The following FRMD1 variants were observed in gnomAD, a reference collection of about 807,000 sequenced individuals.
FRMD1 encodes FERM domain containing 1, also known as FERM domain-containing protein 1.
Under a neutral mutation model 54.9 loss-of-function variants are expected in FRMD1, and 51 were observed. The ratio of observed to expected loss-of-function variants is 0.93; its 90% confidence interval spans 0.74 to 1.17. The LOEUF is 1.17. Among genes scored for constraint, FRMD1 ranks in the 50% most tolerant of loss-of-function variants. The pLI is 0.00. For missense variants in FRMD1, 729 were observed against 743.0 expected (o/e 0.98, Z 0.22); for synonymous variants, 324 against 306.4 (o/e 1.06, Z -0.60).
In FRMD1 at chr6:168,060,983, T is replaced by C. The variant is rs57906677; in HGVS notation, c.1120A>G (p.Ser374Gly). Residue 374 changes from serine (S) to glycine (G), a missense_variant, in exon 9 of 11, where the codon AGT becomes GGT. Transcript: ENST00000283309. ...LDLASRSFPG[S>G]GVSSQHCPHC... ...GGGCAGTGCTGGCTGCTGACCCCAC[T>C]GCCCGGGAAGCTCCTGCTGGCCAGG... is the stretch of plus-strand genomic sequence containing the variant. The C allele has an allele frequency of 1.9e-3, 3,040 of 1,612,940 alleles. 51 individuals are homozygous for C. In the African/African-American group the frequency reaches 0.031, roughly 16 times the overall value.
At position 168,090,075 on chromosome 6, in the gene FRMD1, C is replaced by T. The variant is rs545464398; in HGVS notation, c.-11-11051G>A. ...CGTCCAGACAGTGAGCCAATCCCGGCGGCGTTACCCCCAGAACCCACCCAG... is the reference window on the plus strand; with the variant it reads ...CGTCCAGACAGTGAGCCAATCCCGGTGGCGTTACCCCCAGAACCCACCCAG... On this transcript the variant is annotated intron_variant, in intron 1 of 12. Transcript: ENST00000644440. Among the ~76,000 whole-genome samples the T allele has an allele frequency of 5.9e-5, 9 of 152,238 alleles. No individual in the cohort carries two copies. In the East Asian group the frequency reaches 1.2e-3, roughly 20 times the overall value.
upstream of FRMD1, chr6:168,081,249 G>A: frequency 8.8e-7 from 1 of 1,134,800 alleles, no homozygotes; most frequent in Admixed American, 3.0e-5. Flanking sequence ...AGGGCACTGA[G>A]GGGACACCAG....
upstream of FRMD1, among the ~76,000 whole-genome samples, chr6:168,084,714 G>A (rs945859017): frequency 6.6e-6 from 1 of 152,250 alleles, no homozygotes; most frequent in Non-Finnish European, 1.5e-5. Flanking sequence ...ACAAGTGTGC[G>A]GAATTTTGTA....
intron 1 of FRMD1, among the ~76,000 whole-genome samples, chr6:168,088,035 C>T (rs185476605): frequency 2.0e-5 from 3 of 152,254 alleles, no homozygotes; most frequent in Non-Finnish European, 4.4e-5. Flanking sequence ...TGGGACCCTG[C>T]CCCGAAAAGG....
upstream of FRMD1, among the ~76,000 whole-genome samples, chr6:168,083,656 T>C (rs1583212555): frequency 6.6e-6 from 1 of 152,122 alleles, no homozygotes; most frequent in Non-Finnish European, 1.5e-5. Flanking sequence ...CTCTGCCCCT[T>C]GGGAGACAGG....
In FRMD1 at chr6:168,079,118, C is replaced by T. The variant is rs375053832; in HGVS notation, c.-24G>A. On this transcript the variant is annotated 5_prime_UTR_variant, in exon 1 of 11. Coordinates refer to ENST00000283309, the MANE Select transcript of FRMD1 (RefSeq NM_024919.6). ...ATGCTGTCGTTACTCGGCCCTCCCC[C>T]GCCATGGGTCGCAGGTGGGTGCTCA... 167 of 1,568,884 alleles carry T rather than the reference C, an allele frequency of 1.1e-4. 1 individual carries two copies. The East Asian group carries it at 3.4e-3, about 32-fold the overall frequency.
At chr6:168,081,348 A>G, upstream of FRMD1, 1 of 1,526,260 alleles carries the variant, frequency 6.6e-7, no homozygotes, top group Non-Finnish European at 8.8e-7. Context: ...CCCACCTCTG[A>G]ATGTCTTGTC....
rs574113727 is a variant in FRMD1 at position 168,070,129 on chromosome 6, C to T, written c.305-2683G>A. ...GTCCCAGCCACTCAGGAGGCTGACG[C>T]CAGAGGATCCACCTGAGCCATGATC... On this transcript the variant is annotated intron_variant, in intron 2 of 10. Coordinates refer to ENST00000283309, the MANE Select transcript of FRMD1 (RefSeq NM_024919.6). Among the ~76,000 whole-genome samples, 655 of 151,540 alleles carry T rather than the reference C, an allele frequency of 4.3e-3. 5 individuals carry two copies. The highest frequency in any genetic ancestry group is 5.4e-3 in the Non-Finnish European group (370 of 67,954).
At chr6:168,073,085 C>A (rs1342507165) in intron 2 of FRMD1, among the ~76,000 whole-genome samples, 2 of 152,188 alleles carry the variant, frequency 1.3e-5, no homozygotes, top group Non-Finnish European at 2.9e-5. Flanking sequence ...TAGAACTTCC[C>A]TGAAAACTGG....
intron 1 of FRMD1, 119 bp downstream of exon 1, chr6:168,078,763 T>TCCAGGGCCCTGCTCACCCCCATGGCCAC: frequency 8.1e-6 from 8 of 981,868 alleles, no homozygotes; most frequent in Middle Eastern, 3.8e-4. Context: ...CCCAAGGCCA[T>TCCAGGGCCCTGCTCACCCCCATGGCCAC]CCAGGGCCCT....
chr6:168,069,015 G>T (rs1800172628), intron 2 of FRMD1, among the ~76,000 whole-genome samples: 1 of 152,226 alleles, frequency 6.6e-6, no homozygotes, highest in Non-Finnish European at 1.5e-5. Flanking sequence ...TTGTGTCAGG[G>T]AGGATCAAAC....
chr6:168,091,758 G>A (rs1801019601), intron 1 of FRMD1, among the ~76,000 whole-genome samples: 1 of 152,244 alleles, frequency 6.6e-6, no homozygotes. Flanking sequence ...CAGACAGACA[G>A]GCTGGGATGC....
At chr6:168,075,368 G>T in intron 1 of FRMD1, 33 bp from the exon 2 acceptor site, 1 of 1,577,276 alleles carries the variant, frequency 6.3e-7, no homozygotes, top group Non-Finnish European at 8.7e-7. Flanking sequence ...TTCAGGGAGG[G>T]GCCGGCACCT....
At chr6:168,087,869 C>A (rs1364672347) in intron 1 of FRMD1, among the ~76,000 whole-genome samples, 2 of 152,234 alleles carry the variant, frequency 1.3e-5, no homozygotes, top group Non-Finnish European at 1.5e-5. Context: ...CGGACCCTCA[C>A]ACTTCCACCC....
rs79314161 is a variant in FRMD1 at position 168,053,507 on chromosome 6, C to G, written c.*3590G>C. The G allele has an allele frequency of 1.3e-5, 2 of 152,350 alleles. No individual in the cohort carries two copies. Among genetic ancestry groups the G allele is most frequent in the Non-Finnish European group, 2.9e-5 (2 of 68,152 alleles). 9.4% of individuals were successfully genotyped at this position (152,350 alleles called of 1,614,324 possible). On this transcript the variant is annotated 3_prime_UTR_variant, in exon 11 of 11. Transcript: ENST00000283309. Reference sequence around the variant, plus strand: ...AACCCCGAAACGTCTCCCAGCAGACCGAGCCAAGTGTGTGTCCAGTTCAGC... The same window carrying G: ...AACCCCGAAACGTCTCCCAGCAGACGGAGCCAAGTGTGTGTCCAGTTCAGC...
intron 2 of FRMD1, among the ~76,000 whole-genome samples, chr6:168,074,266 G>A (rs2115005345): frequency 6.6e-6 from 1 of 152,240 alleles, no homozygotes; most frequent in South Asian, 2.1e-4. Context: ...AGAACTCCAG[G>A]TACGAATTCA....
At chr6:168,082,140 G>A (rs1355867660), upstream of FRMD1, among the ~76,000 whole-genome samples, 4 of 152,186 alleles carry the variant, frequency 2.6e-5, no homozygotes, top group South Asian at 4.1e-4. Flanking sequence ...GTCCGGGAAT[G>A]CTAGGGCTGC....
intron 2 of FRMD1, among the ~76,000 whole-genome samples, chr6:168,073,520 C>G (rs1044363856): frequency 6.6e-6 from 1 of 152,156 alleles, no homozygotes; most frequent in Non-Finnish European, 1.5e-5. Flanking sequence ...CCCAGAGCAG[C>G]CCTGAGATGG....
upstream of FRMD1, among the ~76,000 whole-genome samples, chr6:168,085,448 T>C (rs1800901254): frequency 6.6e-6 from 1 of 152,206 alleles, no homozygotes; most frequent in Admixed American, 6.5e-5. Flanking sequence ...GTGGGGGGCC[T>C]CTGGGCACTC....
Sources: allele counts gnomAD v4.1 joint callset (sites outside exome capture counted in the v4.1 genomes callset), GRCh38; gene constraint gnomAD v4.1.1; transcripts MANE v1.5; gene names NCBI Gene and HGNC (gene_info 2026-07-23, HGNC 2026-07-21).